CPT1A: variants seen among roughly 807,000 people sequenced by gnomAD.
The protein encoded by CPT1A is carnitine O-palmitoyltransferase 1, liver isoform.
A neutral mutation model predicts 100.8 loss-of-function variants in CPT1A; 64 were observed. The ratio of observed to expected loss-of-function variants is 0.63; its 90% CI spans 0.52 to 0.78. CPT1A has a LOEUF of 0.78. Ranked by LOEUF, CPT1A falls within the 30% of genes least tolerant of loss-of-function variation. The pLI, the probability that CPT1A is intolerant of heterozygous loss-of-function variation, is 0.00. For synonymous variants in CPT1A, 363 were observed against 396.0 expected (o/e 0.92, Z 0.99); for missense variants, 802 against 1,034.1 (o/e 0.78, Z 3.08).
Position 68,756,197 on chromosome 11 carries a change from A to G in CPT1A, c.*1447T>C, listed in dbSNP as rs569169305. 2.0e-4 allele frequency: 31 copies of G among 151,970 alleles called. No homozygotes were observed. The highest frequency in any genetic ancestry group is 7.5e-4 in the African/African-American group (31 of 41,464). 9.4% of individuals were successfully genotyped at this position (151,970 alleles called of 1,614,324 possible). ...ACAGTTCAGCCATCGCTGTTGTACT[A>G]TCGGGGTGCAGCACTCTGAAGGAGT... On this transcript the variant is annotated 3_prime_UTR_variant, in exon 19 of 19. Coordinates refer to ENST00000265641, the MANE Select transcript of CPT1A (RefSeq NM_001876.4).
At chr11:68,807,745 GC>G in intron 3 of CPT1A, 107 bp from the exon 4 acceptor site, 1 of 1,107,482 alleles carries the variant, frequency 9.0e-7, no homozygotes. Context: ...CCAGCAGCCT[GC>G]CCCAGGTACA....
At chr11:68,792,677 C>T (rs183566739) in intron 9 of CPT1A, among the ~76,000 whole-genome samples, 6 of 152,332 alleles carry the variant, frequency 3.9e-5, no homozygotes, top group Non-Finnish European at 7.4e-5. Context: ...TCCACCTTTC[C>T]GAGCACGACC....
chr11:68,794,365 G>T (rs550833385), intron 8 of CPT1A, among the ~76,000 whole-genome samples: 1 of 152,250 alleles, frequency 6.6e-6, no homozygotes, highest in Non-Finnish European at 1.5e-5. Flanking sequence ...TTTCTCAGAT[G>T]CATCAATATA....
At position 68,757,237 on chromosome 11, in the gene CPT1A, G is replaced by C; in HGVS notation, c.*407C>G. The C allele has an allele frequency of 1.0e-6, 1 of 1,001,624 alleles. No homozygotes were observed. Among genetic ancestry groups the C allele is most frequent in the Non-Finnish European group, 1.2e-6 (1 of 819,264 alleles). The allele number at this position is 1,001,624 out of a possible 1,614,324, so 62.0% of individuals were successfully genotyped here. A position where few individuals can be genotyped will look rare whatever the true frequency, so the allele number is the denominator to read the frequency against. On this transcript the variant is annotated 3_prime_UTR_variant, in exon 19 of 19. Coordinates refer to ENST00000265641, the MANE Select transcript of CPT1A (RefSeq NM_001876.4). Reference sequence around the variant, plus strand: ...ACATTTTTCTTTTAACAAAACAAAAGTTTACCCTGCTTGGATGATGCTAAA... The same window carrying C: ...ACATTTTTCTTTTAACAAAACAAAACTTTACCCTGCTTGGATGATGCTAAA...
rs1210026437 is a variant in CPT1A at position 68,839,790 on chromosome 11, G to A, written c.-14+1985C>T. On this transcript the variant is annotated intron_variant, in intron 1 of 18. Transcript: ENST00000265641. ...GCAGGCCCTCGTTCCAGGGCTCCCC[G>A]GAGGCCCAACTTGACCGCTCGGTGA... 4 of 881,468 alleles carry A rather than the reference G, an allele frequency of 4.5e-6. No homozygotes were observed. The African/African-American group carries it at 7.3e-5, about 16-fold the overall frequency. 54.6% of individuals were successfully genotyped at this position (881,468 alleles called of 1,614,324 possible). A position where few individuals can be genotyped will look rare whatever the true frequency, so the allele number is the denominator to read the frequency against.
intron 11 of CPT1A, 59 bp from the exon 12 acceptor site, chr11:68,780,804 A>T: frequency 8.0e-7 from 1 of 1,243,310 alleles, no homozygotes. Flanking sequence ...ATGAGGAGAC[A>T]TTGCACCTCT....
chr11:68,828,161 T>C (rs1856781341), intron 1 of CPT1A, among the ~76,000 whole-genome samples: 1 of 152,188 alleles, frequency 6.6e-6, no homozygotes, highest in South Asian at 2.1e-4. Flanking sequence ...GTGGTCATCC[T>C]GCCCTCTTTG....
At position 68,761,620 on chromosome 11, in the gene CPT1A, A is replaced by G; in HGVS notation, c.1943T>C (p.Met648Thr). Residue 648 changes from methionine (M) to threonine (T), a missense_variant, in exon 16 of 19, where the codon ATG (methionine) becomes ACG (threonine). Transcript: ENST00000265641. Reference sequence around the variant, plus strand: ...GTGACGATCGATCCCAGAGCCGGTCATGGCGAGGCGATACATATGCTGATG... The same window carrying G: ...GTGACGATCGATCCCAGAGCCGGTCGTGGCGAGGCGATACATATGCTGATG... ...EKHQHMYRLAMTGSGIDRHLF... is the reference protein window; with the variant it reads ...EKHQHMYRLATTGSGIDRHLF... 1 of 1,614,164 alleles carries G rather than the reference A, an allele frequency of 6.2e-7. No homozygotes were observed. The highest frequency in any genetic ancestry group is 8.5e-7 in the Non-Finnish European group (1 of 1,180,038).
intron 15 of CPT1A, 35 bp from the exon 16 acceptor site, chr11:68,761,722 A>C (rs759857010): frequency 6.2e-7 from 1 of 1,613,504 alleles, no homozygotes; most frequent in Admixed American, 1.7e-5. Flanking sequence ...CATATGTTGC[A>C]TGTCTCAAGT....
At chr11:68,832,665 G>A (rs1187522466) in intron 1 of CPT1A, among the ~76,000 whole-genome samples, 1 of 152,252 alleles carries the variant, frequency 6.6e-6, no homozygotes, top group Non-Finnish European at 1.5e-5. Context: ...AACACCATCA[G>A]TGCCAACTGT....
At chr11:68,828,483 A>G (rs770818446) in intron 1 of CPT1A, among the ~76,000 whole-genome samples, 1 of 152,284 alleles carries the variant, frequency 6.6e-6, no homozygotes, top group South Asian at 2.1e-4. Context: ...CATCGAGGGC[A>G]GGAGGCCAGG....
Position 68,799,207 on chromosome 11 carries a change from TAC to T in CPT1A, c.693+9_693+10del. On this transcript the variant is annotated intron_variant, in intron 6 of 18. Transcript: ENST00000265641. The stretch of plus-strand genomic sequence containing the variant: ...AAATTTCATCAAGAAAAACTGTGTA[TAC>T]AGACTTACGTAATTTGTAGCCCACC... 1 of 1,612,620 alleles carries T rather than the reference TAC, an allele frequency of 6.2e-7. No individual in the cohort carries two copies.
intron 9 of CPT1A, among the ~76,000 whole-genome samples, chr11:68,788,474 C>T (rs904598106): frequency 2.0e-5 from 3 of 151,962 alleles, no homozygotes; most frequent in African/African-American, 4.8e-5. Flanking sequence ...TGGTGCATGC[C>T]TGTAATCCCA....
intron 1 of CPT1A, among the ~76,000 whole-genome samples, chr11:68,831,438 C>A (rs931852961): frequency 8.5e-5 from 13 of 152,090 alleles, no homozygotes; most frequent in African/African-American, 3.1e-4. Flanking sequence ...AAACTTGATA[C>A]GTGACAACGG....
intron 14 of CPT1A, among the ~76,000 whole-genome samples, chr11:68,765,136 C>G (rs1195081467): frequency 6.6e-6 from 1 of 151,990 alleles, no homozygotes; most frequent in African/African-American, 2.4e-5. Flanking sequence ...TAGGCGCTCA[C>G]AATGAAGAAG....
At chr11:68,810,613 G>A (rs1430794434) in intron 3 of CPT1A, among the ~76,000 whole-genome samples, 1 of 152,142 alleles carries the variant, frequency 6.6e-6, no homozygotes, top group Non-Finnish European at 1.5e-5. Context: ...GCAAAAAGAG[G>A]TTCAGGAATC....
intron 9 of CPT1A, among the ~76,000 whole-genome samples, chr11:68,791,099 C>T (rs894468144): frequency 6.6e-6 from 1 of 152,216 alleles, no homozygotes; most frequent in African/African-American, 2.4e-5. Flanking sequence ...GCTGGGATTA[C>T]AGGAATGAGC....
chr11:68,783,047 C>T (rs1855357819), intron 10 of CPT1A, among the ~76,000 whole-genome samples: 1 of 152,152 alleles, frequency 6.6e-6, no homozygotes, highest in African/African-American at 2.4e-5. Context: ...CGCATCTTCA[C>T]CCGAGATGCA....
chr11:68,780,987 A>T (rs1360936047), intron 11 of CPT1A, among the ~76,000 whole-genome samples: 3 of 152,124 alleles, frequency 2.0e-5, no homozygotes, highest in Non-Finnish European at 4.4e-5. Context: ...TGAAGTCAGG[A>T]CCTGTTGTTA....
Sources: gnomAD v4.1 joint callset for allele counts (sites outside exome capture counted in the v4.1 genomes callset) on GRCh38, gnomAD v4.1.1 for gene constraint, MANE v1.5 for transcripts, NCBI Gene and HGNC (gene_info 2026-07-23, HGNC 2026-07-21) for gene names.